GRID1: variants seen among roughly 807,000 people sequenced by gnomAD.
GRID1 encodes the protein glutamate ionotropic receptor delta type subunit 1, also known as glutamate receptor ionotropic, delta-1.
GRID1 carries 28 observed loss-of-function variants against 98.0 expected under a neutral mutation model. The observed-to-expected ratio is 0.29, with a 90% CI of 0.21 to 0.39. The LOEUF is 0.39. Among genes scored for constraint, GRID1 ranks in the 10% least tolerant of loss-of-function variants. GRID1 has a pLI of 1.00. For missense variants in GRID1, 1,111 were observed against 1,340.5 expected (o/e 0.83, Z 2.67); for synonymous variants, 553 against 538.5 (o/e 1.03, Z -0.37).
intron 12 of GRID1, among the ~76,000 whole-genome samples, chr10:85,717,580 A>G (rs1486098750): frequency 6.6e-6 from 1 of 152,198 alleles, no homozygotes; most frequent in Admixed American, 6.5e-5. Context: ...ATACAATTCA[A>G]GCTGAGATTT....
At chr10:85,760,416 G>C (rs1239734406) in intron 8 of GRID1, among the ~76,000 whole-genome samples, 1 of 152,220 alleles carries the variant, frequency 6.6e-6, no homozygotes, top group Admixed American at 6.5e-5. Context: ...TTAGATTAAA[G>C]TAGATAAGAT....
At chr10:85,895,122 A>C (rs1342387864) in intron 5 of GRID1, among the ~76,000 whole-genome samples, 1 of 150,516 alleles carries the variant, frequency 6.6e-6, no homozygotes, top group Non-Finnish European at 1.5e-5. Context: ...TTGTTTTTGC[A>C]CTAACCGTTG....
At chr10:86,249,690 T>A (rs1298118087) in intron 2 of GRID1, among the ~76,000 whole-genome samples, 1 of 150,504 alleles carries the variant, frequency 6.6e-6, no homozygotes. Flanking sequence ...TTCCTGAAAC[T>A]CCTCTCCCTC....
At chr10:85,957,572 T>C (rs763250847) in intron 4 of GRID1, among the ~76,000 whole-genome samples, 1 of 152,012 alleles carries the variant, frequency 6.6e-6, no homozygotes, top group Non-Finnish European at 1.5e-5. Flanking sequence ...CAGAGAGCAG[T>C]AGGAAGGAGG....
intron 4 of GRID1, among the ~76,000 whole-genome samples, chr10:85,988,396 T>C (rs1842638427): frequency 6.6e-6 from 1 of 152,178 alleles, no homozygotes; most frequent in Non-Finnish European, 1.5e-5. Flanking sequence ...AGGGAAGCTT[T>C]TTTCAGTCAC....
chr10:85,965,938 C>A (rs1003090904), intron 4 of GRID1, among the ~76,000 whole-genome samples: 3 of 152,160 alleles, frequency 2.0e-5, no homozygotes, highest in African/African-American at 4.8e-5. Context: ...TCCTCCCCAG[C>A]TCCAGAGTAG....
At position 85,650,817 on chromosome 10, in the gene GRID1, G is replaced by A. The variant is rs532462881; in HGVS notation, c.1998-3420C>T. 1.2e-3 allele frequency among the ~76,000 whole-genome samples: 176 copies of A among 152,318 alleles called. 6 individuals carry two copies. In the South Asian group the frequency reaches 0.033, roughly 29 times the overall value. On this transcript the variant is annotated intron_variant, in intron 12 of 15. Coordinates refer to ENST00000327946, the MANE Select transcript of GRID1 (RefSeq NM_017551.3). Reference sequence around the variant, plus strand: ...GGCATTTGGGTAATGAAAACACATGGCTTATTCTGGACACATACCAGGGAG... The same window carrying A: ...GGCATTTGGGTAATGAAAACACATGACTTATTCTGGACACATACCAGGGAG...
At chr10:85,705,501 G>T (rs1203745443) in intron 12 of GRID1, among the ~76,000 whole-genome samples, 1 of 152,144 alleles carries the variant, frequency 6.6e-6, no homozygotes, top group Admixed American at 6.5e-5. Flanking sequence ...AGGACCAGAT[G>T]GATTCACAGC....
chr10:85,765,345 A>T (rs1256026268), intron 8 of GRID1, among the ~76,000 whole-genome samples: 1 of 152,172 alleles, frequency 6.6e-6, no homozygotes, highest in South Asian at 2.1e-4. Flanking sequence ...GGCAATGCTG[A>T]TTATCAGGGA....
chr10:86,271,371 T>C (rs1480118090), intron 2 of GRID1, among the ~76,000 whole-genome samples: 1 of 152,002 alleles, frequency 6.6e-6, no homozygotes, highest in Non-Finnish European at 1.5e-5. Flanking sequence ...AAAATATCCA[T>C]CACAATGTCT....
At chr10:86,263,516 C>T (rs985206404) in intron 2 of GRID1, among the ~76,000 whole-genome samples, 1 of 152,224 alleles carries the variant, frequency 6.6e-6, no homozygotes, top group African/African-American at 2.4e-5. Flanking sequence ...ACAAGCCGCC[C>T]CCTTCGCCAG....
rs1301223522 is a variant in GRID1, at chr10:85,694,240, A to G, written c.1997+28763T>C. Among the ~76,000 whole-genome samples, 4 of 152,124 alleles carry G rather than the reference A, an allele frequency of 2.6e-5. No homozygotes were observed. In the South Asian group the frequency reaches 8.3e-4, roughly 32 times the overall value. On this transcript the variant is annotated intron_variant, in intron 12 of 15. Transcript: ENST00000327946. ...TACAGTGAGTTACCATCTTACACCA[A>G]TCAGAATGGCTATTACTAAAATGAC...
chr10:86,058,991 G>A (rs1227400757), intron 4 of GRID1, among the ~76,000 whole-genome samples: 1 of 152,214 alleles, frequency 6.6e-6, no homozygotes, highest in Non-Finnish European at 1.5e-5. Flanking sequence ...TTTGAGCAGG[G>A]ATGACTGATC....
chr10:85,796,041 A>G (rs1315363362), intron 8 of GRID1, among the ~76,000 whole-genome samples: 1 of 152,218 alleles, frequency 6.6e-6, no homozygotes, highest in Non-Finnish European at 1.5e-5. Context: ...TGACGAAGAA[A>G]AGACTGGATC....
chr10:85,955,337 G>C (rs905466379), intron 4 of GRID1, among the ~76,000 whole-genome samples: 1 of 152,160 alleles, frequency 6.6e-6, no homozygotes, highest in Non-Finnish European at 1.5e-5. Context: ...AGGCCCCTCA[G>C]AACCTGCATC....
chr10:85,648,052 T>A (rs547689315), intron 12 of GRID1: 1 of 152,262 alleles, frequency 6.6e-6, no homozygotes, highest in African/African-American at 2.4e-5. Context: ...AATAAAAAAA[T>A]TGGATTTTTA....
chr10:86,110,745 G>A (rs895927142), intron 4 of GRID1, among the ~76,000 whole-genome samples: 1 of 152,166 alleles, frequency 6.6e-6, no homozygotes, highest in African/African-American at 2.4e-5. Flanking sequence ...CAGATGAGGT[G>A]GGCACCCCAG....
intron 5 of GRID1, among the ~76,000 whole-genome samples, chr10:85,908,091 T>C (rs975771997): frequency 6.6e-6 from 1 of 152,150 alleles, no homozygotes; most frequent in African/African-American, 2.4e-5. Flanking sequence ...GATGAAAAAC[T>C]GTGTGTGTTC....
chr10:85,922,224 A>G (rs1050558342), intron 4 of GRID1, among the ~76,000 whole-genome samples: 1 of 152,218 alleles, frequency 6.6e-6, no homozygotes, highest in African/African-American at 2.4e-5. Context: ...AAACACCATT[A>G]TAAGTCACGG....
Sources: allele counts gnomAD v4.1 joint callset (sites outside exome capture counted in the v4.1 genomes callset), GRCh38; gene constraint gnomAD v4.1.1; transcripts MANE v1.5; gene names NCBI Gene and HGNC (gene_info 2026-07-23, HGNC 2026-07-21).